SHLD1: variants seen among roughly 807,000 people sequenced by gnomAD.
SHLD1 encodes RINN1-REV7-interacting novel NHEJ regulator 3.
A neutral mutation model predicts 5.5 loss-of-function variants in SHLD1; 3 were observed. The observed-to-expected ratio is 0.54, with a 90% CI of 0.25 to 1.40. The LOEUF is 1.40. Ranked by LOEUF, SHLD1 falls within the 40% of genes most tolerant of loss-of-function variation. SHLD1 has a pLI of 0.15. For missense variants in SHLD1, 210 were observed against 244.4 expected (o/e 0.86, Z 0.94); for synonymous variants, 92 against 94.3 (o/e 0.98, Z 0.14).
chr20:5,850,654 G>A (rs1426008752), intron 2 of SHLD1, among the ~76,000 whole-genome samples: 1 of 151,986 alleles, frequency 6.6e-6, no homozygotes, highest in Non-Finnish European at 1.5e-5. Flanking sequence ...GGGATTACAG[G>A]TGTGTGCCAC....
At chr20:5,784,663 G>T (rs951707019) in intron 2 of SHLD1, among the ~76,000 whole-genome samples, 1 of 151,910 alleles carries the variant, frequency 6.6e-6, no homozygotes, top group Non-Finnish European at 1.5e-5. Context: ...TGTTAGCCAG[G>T]TTGGTCTCGA....
intron 2 of SHLD1, among the ~76,000 whole-genome samples, chr20:5,810,025 G>A (rs1266834985): frequency 4.6e-5 from 7 of 152,118 alleles, no homozygotes; most frequent in South Asian, 2.1e-4. Flanking sequence ...TTGGGAGGCC[G>A]AGGCAGGCAG....
intron 2 of SHLD1, among the ~76,000 whole-genome samples, chr20:5,819,966 A>G (rs986019669): frequency 2.0e-5 from 3 of 152,136 alleles, no homozygotes; most frequent in African/African-American, 7.2e-5. Context: ...TGTTTTTAGA[A>G]GGAGTCTTGC....
At chr20:5,854,766 A>G (rs1305081916) in intron 2 of SHLD1, among the ~76,000 whole-genome samples, 1 of 152,128 alleles carries the variant, frequency 6.6e-6, no homozygotes, top group Non-Finnish European at 1.5e-5. Context: ...AGAACTCATC[A>G]TGTAAAACTG....
chr20:5,826,450 A>G (rs1406454583), intron 2 of SHLD1, among the ~76,000 whole-genome samples: 2 of 152,072 alleles, frequency 1.3e-5, no homozygotes, highest in African/African-American at 4.8e-5. Context: ...ACTGTCAAAA[A>G]AAAAAAAAAG....
chr20:5,794,306 C>T (rs1295506239), intron 2 of SHLD1, among the ~76,000 whole-genome samples: 1 of 152,208 alleles, frequency 6.6e-6, no homozygotes, highest in Non-Finnish European at 1.5e-5. Flanking sequence ...ATTACCACCA[C>T]TGCTGTTACA....
intron 1 of SHLD1, among the ~76,000 whole-genome samples, chr20:5,766,191 AGGG>A (rs949248238): frequency 2.0e-5 from 3 of 152,092 alleles, no homozygotes; most frequent in African/African-American, 7.2e-5. Context: ...TGAAGGGAGA[AGGG>A]GGAGGACAGA....
chr20:5,837,300 T>G (rs1442262825), intron 2 of SHLD1, among the ~76,000 whole-genome samples: 1 of 152,218 alleles, frequency 6.6e-6, no homozygotes, highest in Admixed American at 6.5e-5. Context: ...AACCTTTTTT[T>G]TCTTCCGCTT....
chr20:5,844,384 A>G (rs1020436127), intron 2 of SHLD1, among the ~76,000 whole-genome samples: 2 of 152,168 alleles, frequency 1.3e-5, no homozygotes, highest in Non-Finnish European at 2.9e-5. Context: ...CACTGCCACC[A>G]TCAGGCTCTC....
At chr20:5,815,647 GA>G (rs766488992) in intron 2 of SHLD1, among the ~76,000 whole-genome samples, 99 of 152,300 alleles carry the variant, frequency 6.5e-4, no homozygotes, top group Non-Finnish European at 1.0e-3. Context: ...CCCTATACAG[GA>G]AAAGTTTGCT....
Position 5,834,606 on chromosome 20 carries a change from G to C in SHLD1, c.179-28418G>C, listed in dbSNP as rs570067886. On this transcript the variant is annotated intron_variant, in intron 2 of 2. Transcript: ENST00000303142. Reference sequence around the variant, plus strand: ...AGCTTAGTAGCACTTTGCCTGGATTGCCTCATCCCATCCTCTTACAGTTCT... The same window carrying C: ...AGCTTAGTAGCACTTTGCCTGGATTCCCTCATCCCATCCTCTTACAGTTCT... Among the ~76,000 whole-genome samples the C allele has an allele frequency of 3.3e-5, 5 of 152,290 alleles. No homozygotes were observed. The South Asian group carries it at 1.0e-3, about 32-fold the overall frequency.
At chr20:5,762,097 T>C (rs186185026) in intron 1 of SHLD1, among the ~76,000 whole-genome samples, 1 of 151,028 alleles carries the variant, frequency 6.6e-6, no homozygotes, top group Non-Finnish European at 1.5e-5. Flanking sequence ...ACTAAAAATA[T>C]AAAATTTAGA....
At chr20:5,775,841 G>A (rs904005512) in intron 2 of SHLD1, among the ~76,000 whole-genome samples, 9 of 151,844 alleles carry the variant, frequency 5.9e-5, no homozygotes, top group African/African-American at 1.9e-4. Context: ...ATAGTGTGTG[G>A]CAGGGAGTGG....
intron 2 of SHLD1, among the ~76,000 whole-genome samples, chr20:5,837,577 G>T (rs1202100794): frequency 6.6e-6 from 1 of 151,302 alleles, no homozygotes; most frequent in Non-Finnish European, 1.5e-5. Flanking sequence ...TTGGTTTTCT[G>T]TTCCTGCATT....
chr20:5,836,390 T>C (rs372598075), intron 2 of SHLD1, among the ~76,000 whole-genome samples: 1 of 152,130 alleles, frequency 6.6e-6, no homozygotes, highest in African/African-American at 2.4e-5. Flanking sequence ...TCATGGAATA[T>C]TTTAATATTT....
chr20:5,835,959 A>G (rs1037063220), intron 2 of SHLD1, among the ~76,000 whole-genome samples: 1 of 152,212 alleles, frequency 6.6e-6, no homozygotes, highest in Non-Finnish European at 1.5e-5. Flanking sequence ...GCCTCAATCT[A>G]CTAACATGAC....
At chr20:5,785,070 T>A (rs2087041254) in intron 2 of SHLD1, among the ~76,000 whole-genome samples, 2 of 152,214 alleles carry the variant, frequency 1.3e-5, no homozygotes, top group Non-Finnish European at 2.9e-5. Flanking sequence ...CAGCTATGTC[T>A]TCTTAAAATA....
At position 5,756,776 on chromosome 20, in the gene SHLD1, G is replaced by A. The variant is rs181696032; in HGVS notation, c.-5+6297G>A. ...ACAATCTCAGCTCACTGCAACCTCC[G>A]TCTTCCATCAGCTTCCCAAAGTGTT... is the stretch of plus-strand genomic sequence containing the variant. On this transcript the variant is annotated intron_variant, in intron 1 of 2. Coordinates refer to ENST00000303142, the MANE Select transcript of SHLD1 (RefSeq NM_152504.4). 81 of 283,636 alleles carry A rather than the reference G, an allele frequency of 2.9e-4. 1 individual carries two copies. The highest frequency in any genetic ancestry group is 1.1e-3 in the South Asian group (36 of 32,756). 17.6% of individuals were successfully genotyped at this position (283,636 alleles called of 1,614,324 possible). A position where few individuals can be genotyped will look rare whatever the true frequency, so the allele number is the denominator to read the frequency against.
At chr20:5,781,375 G>A (rs145153651) in intron 2 of SHLD1, among the ~76,000 whole-genome samples, 1,673 of 152,220 alleles carry the variant, frequency 0.011, 23 homozygotes, top group Non-Finnish European at 0.017. Flanking sequence ...TCTAGCCTGC[G>A]GGACAGAGTG....
Sources: gnomAD v4.1 joint callset for allele counts (sites outside exome capture counted in the v4.1 genomes callset) on GRCh38, gnomAD v4.1.1 for gene constraint, MANE v1.5 for transcripts, NCBI Gene and HGNC (gene_info 2026-07-23, HGNC 2026-07-21) for gene names.